ATXN3L: variants seen among roughly 807,000 people sequenced by gnomAD.
ATXN3L encodes the protein ataxin 3 like.
For synonymous variants in ATXN3L, 98 were observed against 96.1 expected (o/e 1.02, Z -0.12); for missense variants, 283 against 255.2 (o/e 1.11, Z -0.74).
Position 13,319,896 on chromosome X carries a change from C to G in ATXN3L, c.39G>C (p.Leu13=). The G allele has an allele frequency of 8.3e-7, 1 of 1,207,884 alleles. No homozygotes were observed. The highest frequency in any genetic ancestry group is 1.1e-6 in the Non-Finnish European group (1 of 893,278). Residue 13 remains leucine, a synonymous_variant, in exon 1 of 1, where the codon CTG becomes CTC. Coordinates refer to ENST00000380622, the MANE Select transcript of ATXN3L (RefSeq NM_001135995.2). ...GATTGTTCAGACAGTGCTGAGCACA[C>G]AGGAAACCTTCCTGTTTCTCATGAA... ...FIFHEKQEGF[L]CAQHCLNNLL...
Position 13,319,490 on chromosome X carries a change from C to G in ATXN3L, c.445G>C (p.Ala149Pro). ...TGTTGTAATCGAGCCAAGAAATTTG[C>G]AAGGCATGTATCTGATATTAATTCT... is the stretch of plus-strand genomic sequence containing the variant. ...GPELISDTCL[A>P]NFLARLQQQA... The change falls in exon 1 of 1, where the codon GCA becomes CCA. Residue 149 changes from alanine (A) to proline (P), a missense_variant. By Grantham distance (27) the Ala-to-Pro change is conservative. Transcript: ENST00000380622. The G allele has an allele frequency of 8.3e-7, 1 of 1,211,461 alleles. No homozygotes were observed. The highest frequency in any genetic ancestry group is 1.7e-5 in the African/African-American group (1 of 57,777).
chrX:13,318,839 A>T lies in ATXN3L; in HGVS notation c.*28T>A, dbSNP rs1400879103. The T allele has an allele frequency of 8.9e-7, 1 of 1,124,178 alleles. No individual in the cohort carries two copies. The highest frequency in any genetic ancestry group is 2.1e-5 in the South Asian group (1 of 48,666). 92.6% of individuals were successfully genotyped at this position (1,124,178 alleles called of 1,213,427 possible). A position where few individuals can be genotyped will look rare whatever the true frequency, so the allele number is the denominator to read the frequency against. On this transcript the variant is annotated 3_prime_UTR_variant, in exon 1 of 1. Transcript: ENST00000380622. The stretch of plus-strand genomic sequence containing the variant: ...ATCACACAGGATAATGTTGGAAAGT[A>T]TGACTATCTAAATTATTTTTAAAGG...
In ATXN3L at chrX:13,319,779, T is replaced by G; in HGVS notation, c.156A>C (p.Gly52=). 1 of 1,211,872 alleles carries G rather than the reference T, an allele frequency of 8.3e-7. No homozygotes were observed. The highest frequency in any genetic ancestry group is 2.3e-4 in the Middle Eastern group (1 of 4,354). The stretch of plus-strand genomic sequence containing the variant: ...ATGCAAGATACTCTTCACTGGTGAC[T>G]CCTCCTTCTGCCATTCTCATCCTCT... ...EEERMRMAEG[G]VTSEEYLAFL... Residue 52 remains glycine (G), a synonymous_variant, in exon 1 of 1, where the codon GGA becomes GGC. Transcript: ENST00000380622.
chrX:13,319,994 G>C lies in ATXN3L; in HGVS notation c.-60C>G, dbSNP rs908043296. The C allele has an allele frequency of 6.5e-6, 6 of 917,725 alleles. No homozygotes were observed. The highest frequency in any genetic ancestry group is 9.1e-6 in the Non-Finnish European group (6 of 655,757). The allele number at this position is 917,725 out of a possible 1,213,427, so 75.6% of individuals were successfully genotyped here. On this transcript the variant is annotated 5_prime_UTR_variant, in exon 1 of 1. Coordinates refer to ENST00000380622, the MANE Select transcript of ATXN3L (RefSeq NM_001135995.2). The stretch of plus-strand genomic sequence containing the variant: ...GGAAGATGTTGTATGCCCAGCTATG[G>C]CAGTTACCTGGGCAGTTTGTGGATA...
At position 13,319,948 on chromosome X, in the gene ATXN3L, G is replaced by A. The variant is rs373180769; in HGVS notation, c.-14C>T. 1.6e-5 allele frequency: 19 copies of A among 1,160,187 alleles called. No homozygotes were observed. Among genetic ancestry groups the A allele is most frequent in the African/African-American group, 8.8e-5 (5 of 56,971 alleles). ...GATGAAATCCATGTTAATTGTATCC[G>A]TGAGTTTCTGTAGGTATGCCGGAAG... On this transcript the variant is annotated 5_prime_UTR_variant, in exon 1 of 1. In the 5' UTR this introduces an upstream ATG that the reference lacks. Transcript: ENST00000380622.
Position 13,318,781 on chromosome X carries a change from T to C in ATXN3L, c.*86A>G. On this transcript the variant is annotated 3_prime_UTR_variant, in exon 1 of 1. Transcript: ENST00000380622. ...CTAAAAGCCTTATTTCCTCATCTCTTTGACAGATGACCAAAATGGATCCTA... is the reference window on the plus strand; with the variant it reads ...CTAAAAGCCTTATTTCCTCATCTCTCTGACAGATGACCAAAATGGATCCTA... The C allele has an allele frequency of 1.2e-6, 1 of 847,908 alleles. No individual in the cohort carries two copies. Among genetic ancestry groups the C allele is most frequent in the South Asian group, 2.6e-5 (1 of 37,952 alleles). The allele number at this position is 847,908 out of a possible 1,213,427, so 69.9% of individuals were successfully genotyped here.
rs1255541277 is a variant in ATXN3L at position 13,319,874 on chromosome X, T to G, written c.61A>C (p.Asn21His). Residue 21 changes from asparagine to histidine, a missense_variant, in exon 1 of 1, where the codon AAT becomes CAT. Coordinates refer to ENST00000380622, the MANE Select transcript of ATXN3L (RefSeq NM_001135995.2). Reference protein sequence around the residue: ...GFLCAQHCLNNLLQGEYFSPV... With the variant: ...GFLCAQHCLNHLLQGEYFSPV... ...CTAAAATATTCTCCTTGCAATAGAT[T>G]GTTCAGACAGTGCTGAGCACACAGG... 5 of 1,210,339 alleles carry G rather than the reference T, an allele frequency of 4.1e-6. No homozygotes were observed. The South Asian group carries it at 7.0e-5, about 17-fold the overall frequency.
Position 13,319,157 on chromosome X carries a change from C to T in ATXN3L, c.778G>A (p.Gly260Arg), listed in dbSNP as rs1163617766. Residue 260 changes from glycine (G) to arginine (R), a missense_variant, in exon 1 of 1, where the codon GGA becomes AGA. Gly to Arg is a moderately radical substitution (Grantham distance 125). Transcript: ENST00000380622. The stretch of plus-strand genomic sequence containing the variant: ...TTTGGAAGATCTTGCGATGTGTTTC[C>T]GGAACTACCTTGCATGCTTAACTCA... ...TIELSMQGSS[G>R]NTSQDLPKTS... The T allele has an allele frequency of 2.3e-5, 28 of 1,209,794 alleles. No homozygotes were observed. The highest frequency in any genetic ancestry group is 5.3e-5 in the African/African-American group (3 of 57,125).
Position 13,319,635 on chromosome X carries a change from C to T in ATXN3L, c.300G>A (p.Gln100=). The T allele has an allele frequency of 8.3e-7, 1 of 1,208,931 alleles. No homozygotes were observed. Among genetic ancestry groups the T allele is most frequent in the Non-Finnish European group, 1.1e-6 (1 of 895,273 alleles). The change falls in exon 1 of 1, where the codon CAG becomes CAA. Residue 100 remains glutamine, a synonymous_variant. Transcript: ENST00000380622. The part of the protein sequence containing the change: ...EIIHFNNPEY[Q]KLGIDPINER... ...CATTTATAGGATCAATGCCGAGCTTCTGATATTCAGGATTATTGAAATGGA... is the reference window on the plus strand; with the variant it reads ...CATTTATAGGATCAATGCCGAGCTTTTGATATTCAGGATTATTGAAATGGA...
chrX:13,319,015 C>T lies in ATXN3L; in HGVS notation c.920G>A (p.Ser307Asn), dbSNP rs780131230. The T allele has an allele frequency of 2.1e-5, 26 of 1,209,979 alleles. No homozygotes were observed. In the South Asian group the frequency reaches 4.4e-4, roughly 20 times the overall value. Residue 307 changes from serine (S) to asparagine (N), a missense_variant, in exon 1 of 1, where the codon AGT becomes AAT. Physicochemically the swap from Ser to Asn is conservative, Grantham distance 46. Transcript: ENST00000380622. Reference sequence around the variant, plus strand: ...TGTTGGCCTTTCGTGTAGGTATGAACTGTGGCCCGGCAGATCTGACTGTTG... The same window carrying T: ...TGTTGGCCTTTCGTGTAGGTATGAATTGTGGCCCGGCAGATCTGACTGTTG... ...QQQQSDLPGH[S>N]SYLHERPTTS...
rs768710080 is a variant in ATXN3L at position 13,319,189 on chromosome X, C to T, written c.746G>A (p.Ser249Asn). ...ETNREDEHLR[S>N]TIELSMQGSS... ...ACCTTGCATGCTTAACTCAATAGTA[C>T]TGCGGAGATGTTCATCTTCTCTATT... The change falls in exon 1 of 1, where the codon AGT becomes AAT. Residue 249 changes from serine (S) to asparagine (N), a missense_variant. Coordinates refer to ENST00000380622, the MANE Select transcript of ATXN3L (RefSeq NM_001135995.2). The T allele has an allele frequency of 8.3e-6, 10 of 1,210,003 alleles. No homozygotes were observed. The African/African-American group carries it at 1.6e-4, about 19-fold the overall frequency.
In ATXN3L at chrX:13,319,968, C is replaced by T. The variant is rs774889081; in HGVS notation, c.-34G>A. ...TATCCGTGAGTTTCTGTAGGTATGCCGGAAGATGTTGTATGCCCAGCTATG... is the reference window on the plus strand; with the variant it reads ...TATCCGTGAGTTTCTGTAGGTATGCTGGAAGATGTTGTATGCCCAGCTATG... On this transcript the variant is annotated 5_prime_UTR_variant, in exon 1 of 1. Transcript: ENST00000380622. The T allele has an allele frequency of 3.5e-5, 38 of 1,096,232 alleles. No individual in the cohort carries two copies. The South Asian group carries it at 3.5e-4, about 10-fold the overall frequency. The allele number at this position is 1,096,232 out of a possible 1,213,427, so 90.3% of individuals were successfully genotyped here. A position where few individuals can be genotyped will look rare whatever the true frequency, so the allele number is the denominator to read the frequency against.
chrX:13,319,694 T>C lies in ATXN3L; in HGVS notation c.241A>G (p.Ser81Gly). ...DTGFFSIQVI[S>G]NALKFWGLEI... ...AAACCCCAGAACTTCAAGGCATTGC[T>C]TATTACCTGAATGGAGAAGAAACCG... is the stretch of plus-strand genomic sequence containing the variant. Residue 81 changes from serine to glycine, a missense_variant, in exon 1 of 1, where the codon AGC becomes GGC. Ser to Gly is a moderately conservative substitution (Grantham distance 56). Transcript: ENST00000380622. 8.3e-7 allele frequency: 1 copy of C among 1,211,670 alleles called. No homozygotes were observed. Among genetic ancestry groups the C allele is most frequent in the African/African-American group, 1.7e-5 (1 of 57,892 alleles).
In ATXN3L at chrX:13,318,756, C is replaced by CT. The variant is rs2044463830; in HGVS notation, c.*110dup. The CT allele has an allele frequency of 1.6e-6, 1 of 625,581 alleles. No homozygotes were observed. Among genetic ancestry groups the CT allele is most frequent in the Non-Finnish European group, 2.4e-6 (1 of 416,945 alleles). 51.6% of individuals were successfully genotyped at this position (625,581 alleles called of 1,213,427 possible). A position where few individuals can be genotyped will look rare whatever the true frequency, so the allele number is the denominator to read the frequency against. On this transcript the variant is annotated 3_prime_UTR_variant, in exon 1 of 1. Transcript: ENST00000380622. ...TCTCGTCATTTTGTTTGCAAACTGT[C>CT]TAAAAGCCTTATTTCCTCATCTCTT...
In ATXN3L at chrX:13,318,734, C is replaced by T. The variant is rs889114736; in HGVS notation, c.*133G>A. ...TCATTATTTAGTCCCACATCTCTCT[C>T]GTCATTTTGTTTGCAAACTGTCTAA... On this transcript the variant is annotated 3_prime_UTR_variant, in exon 1 of 1. Coordinates refer to ENST00000380622, the MANE Select transcript of ATXN3L (RefSeq NM_001135995.2). The T allele has an allele frequency of 6.3e-6, 3 of 477,926 alleles. No homozygotes were observed. The highest frequency in any genetic ancestry group is 9.2e-5 in the Admixed American group (2 of 21,665). The allele number at this position is 477,926 out of a possible 1,213,427, so 39.4% of individuals were successfully genotyped here. A position where few individuals can be genotyped will look rare whatever the true frequency, so the allele number is the denominator to read the frequency against.
chrX:13,319,329 A>T lies in ATXN3L; in HGVS notation c.606T>A (p.His202Gln). 9.1e-6 allele frequency: 11 copies of T among 1,210,822 alleles called. No individual in the cohort carries two copies. Among genetic ancestry groups the T allele is most frequent in the Non-Finnish European group, 1.2e-5 (11 of 894,914 alleles). Reference protein sequence around the residue: ...NGKKLVKQKEHRVYKTVLEKV... With the variant: ...NGKKLVKQKEQRVYKTVLEKV... ...TTTCAAGGACTGTTTTATAGACTCT[A>T]TGCTCTTTTTGTTTTACTAATTTTT... The change falls in exon 1 of 1, where the codon CAT becomes CAA. Residue 202 changes from histidine (H) to glutamine (Q), a missense_variant. His to Gln is a conservative substitution (Grantham distance 24). Coordinates refer to ENST00000380622, the MANE Select transcript of ATXN3L (RefSeq NM_001135995.2).
rs1301109499 is a variant in ATXN3L at position 13,319,984 on chromosome X, C to A, written c.-50G>T. 2 of 1,010,825 alleles carry A rather than the reference C, an allele frequency of 2.0e-6. No individual in the cohort carries two copies. Among genetic ancestry groups the A allele is most frequent in the African/African-American group, 3.7e-5 (2 of 53,349 alleles). The allele number at this position is 1,010,825 out of a possible 1,213,427, so 83.3% of individuals were successfully genotyped here. A position where few individuals can be genotyped will look rare whatever the true frequency, so the allele number is the denominator to read the frequency against. On this transcript the variant is annotated 5_prime_UTR_variant, in exon 1 of 1. Coordinates refer to ENST00000380622, the MANE Select transcript of ATXN3L (RefSeq NM_001135995.2). Reference sequence around the variant, plus strand: ...TAGGTATGCCGGAAGATGTTGTATGCCCAGCTATGGCAGTTACCTGGGCAG... The same window carrying A: ...TAGGTATGCCGGAAGATGTTGTATGACCAGCTATGGCAGTTACCTGGGCAG...
rs4830842 is a variant in ATXN3L at position 13,318,940 on chromosome X, C to T, written c.995G>A (p.Gly332Asp). The change falls in exon 1 of 1, where the codon GGC becomes GAC. Residue 332 changes from glycine to aspartate, a missense_variant. Transcript: ENST00000380622. ...GGTGTCGACAGCGGCCTGTACTGTG[C>T]CTTCACTGATGTCATCACTGAGATC... ...ESDLSDDISEGTVQAAVDTIL... is the reference protein window; with the variant it reads ...ESDLSDDISEDTVQAAVDTIL... The T allele has an allele frequency of 0.41, 489,541 of 1,208,315 alleles. 76,102 individuals are homozygous for T. Among genetic ancestry groups the T allele is most frequent in the East Asian group, 0.86 (28,944 of 33,715 alleles).
rs1602564689 is a variant in ATXN3L at position 13,318,728 on chromosome X, C to T, written c.*139G>A. On this transcript the variant is annotated 3_prime_UTR_variant, in exon 1 of 1. Coordinates refer to ENST00000380622, the MANE Select transcript of ATXN3L (RefSeq NM_001135995.2). ...GAACGATCATTATTTAGTCCCACAT[C>T]TCTCTCGTCATTTTGTTTGCAAACT... is the stretch of plus-strand genomic sequence containing the variant. The T allele has an allele frequency of 2.0e-5, 9 of 455,465 alleles. No individual in the cohort carries two copies. The East Asian group carries it at 3.5e-4, about 18-fold the overall frequency. 37.5% of individuals were successfully genotyped at this position (455,465 alleles called of 1,213,427 possible). A position where few individuals can be genotyped will look rare whatever the true frequency, so the allele number is the denominator to read the frequency against.
Sources: allele counts gnomAD v4.1 joint callset, GRCh38; gene constraint gnomAD v4.1.1; transcripts MANE v1.5; gene names NCBI Gene and HGNC (gene_info 2026-07-23, HGNC 2026-07-21).